Variants in ANKRD42 observed in about 807,000 individuals in gnomAD.
ANKRD42 encodes ankyrin repeat domain 42, also known as ankyrin repeat domain-containing protein 42.
Under a neutral mutation model 51.5 loss-of-function variants are expected in ANKRD42, and 43 were observed. That is an observed-to-expected ratio of 0.83 (90% CI 0.65 to 1.08). The LOEUF (loss-of-function observed/expected upper bound fraction) is 1.08, where lower values mean the gene tolerates loss of function less well. ANKRD42 is among the 50% of genes least tolerant of loss of function. The probability of loss-of-function intolerance (pLI) is 0.00; values close to 1 mark genes in which losing one functional copy is unlikely to be tolerated. For missense variants in ANKRD42, 608 were observed against 629.3 expected, an observed-to-expected ratio of 0.97 and a Z score of 0.36; for synonymous variants, 203 against 213.0, an observed-to-expected ratio of 0.95 and a Z score of 0.41.
intron 3 of ANKRD42, among the ~76,000 whole-genome samples, chr11:83,208,740 T>C (rs774750108): frequency 3.9e-4 from 60 of 152,198 alleles, no homozygotes; most frequent in Admixed American, 1.2e-3. Flanking sequence ...AGGAAAGATG[T>C]TGAGTTCAAT....
At position 83,194,734 on chromosome 11, in the gene ANKRD42, T is replaced by C. The variant is rs1170335028; in HGVS notation, c.58+6T>C. On this transcript the variant is annotated splice_donor_region_variant and intron_variant, in intron 1 of 10. Transcript: ENST00000533342. The stretch of plus-strand genomic sequence containing the variant: ...TAGGGAGACTGCAAACCCCTGTGAG[T>C]CAGACTGTCATTGGCCTTCATCTCT... The C allele has an allele frequency of 3.2e-6, 5 of 1,581,340 alleles. No homozygotes were observed. Among genetic ancestry groups the C allele is most frequent in the Non-Finnish European group, 4.3e-6 (5 of 1,164,296 alleles).
intron 10 of ANKRD42, 106 bp from the exon 11 acceptor site, chr11:83,247,833 ATTTC>A (rs1401183109): frequency 1.9e-5 from 18 of 949,218 alleles, no homozygotes; most frequent in Admixed American, 2.8e-5. Context: ...TGAATAAATG[ATTTC>A]TTTGTTTTAT....
intron 3 of ANKRD42, 70 bp downstream of exon 3, chr11:83,206,235 C>T (rs1862068571): frequency 4.0e-6 from 5 of 1,251,922 alleles, no homozygotes; most frequent in Non-Finnish European, 5.7e-6. Flanking sequence ...TGCTATTATT[C>T]TAATTATTTG....
At chr11:83,201,213 T>C (rs776248683) in intron 2 of ANKRD42, among the ~76,000 whole-genome samples, 2 of 152,210 alleles carry the variant, frequency 1.3e-5, no homozygotes, top group Non-Finnish European at 2.9e-5. Context: ...TGTGTTCTTA[T>C]TGTTCAACTT....
intron 2 of ANKRD42, among the ~76,000 whole-genome samples, chr11:83,203,545 C>CA (rs1351177893): frequency 6.6e-6 from 1 of 151,842 alleles, no homozygotes; most frequent in Non-Finnish European, 1.5e-5. Flanking sequence ...AGGCATGTGC[C>CA]ACCACACCCA....
intron 9 of ANKRD42, 87 bp from the exon 10 acceptor site, chr11:83,245,411 G>C: frequency 7.2e-7 from 1 of 1,392,940 alleles, no homozygotes; most frequent in South Asian, 1.4e-5. Flanking sequence ...TAGTCTAGAG[G>C]AAGAATATGC....
chr11:83,204,911 G>A (rs889114311), intron 2 of ANKRD42, among the ~76,000 whole-genome samples: 2 of 152,050 alleles, frequency 1.3e-5, no homozygotes, highest in African/African-American at 4.8e-5. Context: ...ATGAAAAGAT[G>A]TTCAACATCA....
At chr11:83,257,626 A>G (rs1247000744), downstream of ANKRD42, among the ~76,000 whole-genome samples, 1 of 152,216 alleles carries the variant, frequency 6.6e-6, no homozygotes, top group Non-Finnish European at 1.5e-5. Flanking sequence ...AAAAGTCTGC[A>G]TTCTCTTAAC....
chr11:83,204,984 A>C (rs1180001235), intron 2 of ANKRD42, among the ~76,000 whole-genome samples: 1 of 152,220 alleles, frequency 6.6e-6, no homozygotes, highest in Admixed American at 6.5e-5. Context: ...AGCAGAAAAA[A>C]CAAAAAACCA....
Position 83,240,756 on chromosome 11 carries a change from C to G in ANKRD42, c.1020-3C>G. The G allele has an allele frequency of 6.2e-7, 1 of 1,613,510 alleles. No individual in the cohort carries two copies. Among genetic ancestry groups the G allele is most frequent in the Non-Finnish European group, 8.5e-7 (1 of 1,179,854 alleles). On this transcript the variant is annotated splice_polypyrimidine_tract_variant and splice_region_variant and intron_variant, in intron 8 of 10. Coordinates refer to ENST00000533342, the MANE Select transcript of ANKRD42 (RefSeq NM_001300975.2). ...CTGGTTAGTTATTGATTCTTTTCTA[C>G]AGGTTTGCCCATTTGGCAGCAGTGA...
chr11:83,213,098 A>G lies in ANKRD42; in HGVS notation c.586+1668A>G. ...CCAGACTGACTGATATGTCAAAATTAAGTGTAACTGGCAGAAACCCAGAGG... is the reference window on the plus strand; with the variant it reads ...CCAGACTGACTGATATGTCAAAATTGAGTGTAACTGGCAGAAACCCAGAGG... On this transcript the variant is annotated intron_variant, in intron 5 of 10. Transcript: ENST00000533342. The G allele has an allele frequency of 6.2e-6, 10 of 1,601,256 alleles. No homozygotes were observed. In the South Asian group the frequency reaches 9.9e-5, roughly 16 times the overall value.
chr11:83,211,586 C>T (rs1862320929), intron 5 of ANKRD42, among the ~76,000 whole-genome samples, 156 bp downstream of exon 5: 1 of 149,780 alleles, frequency 6.7e-6, no homozygotes, highest in African/African-American at 2.5e-5. Context: ...CACTTGAGGC[C>T]AGGAGTTTGA....
chr11:83,226,989 G>A (rs1565189569), intron 6 of ANKRD42, among the ~76,000 whole-genome samples: 1 of 152,054 alleles, frequency 6.6e-6, no homozygotes. Context: ...TATCTTTGGG[G>A]GTCCTGGAAC....
chr11:83,230,235 TAGAGAC>T (rs1863026020), intron 7 of ANKRD42, among the ~76,000 whole-genome samples: 2 of 152,106 alleles, frequency 1.3e-5, no homozygotes, highest in African/African-American at 4.8e-5. Context: ...GTATTGTTTG[TAGAGAC>T]AGAGTTTTGC....
In ANKRD42 at chr11:83,209,663, C is replaced by A. The variant is rs1036153536; in HGVS notation, c.331-637C>A. ...AAGCTGGCAAGCTGCTTTTCAGCCT[C>A]AAGCTTTACACAGCTGTCCTTACTT... On this transcript the variant is annotated intron_variant, in intron 3 of 10. Coordinates refer to ENST00000533342, the MANE Select transcript of ANKRD42 (RefSeq NM_001300975.2). The A allele has an allele frequency of 2.8e-5, 22 of 786,678 alleles. No individual in the cohort carries two copies. The Admixed American group carries it at 3.4e-4, about 12-fold the overall frequency. 48.7% of individuals were successfully genotyped at this position (786,678 alleles called of 1,614,324 possible). A position where few individuals can be genotyped will look rare whatever the true frequency, so the allele number is the denominator to read the frequency against.
chr11:83,246,955 T>C (rs1863559134), intron 10 of ANKRD42, among the ~76,000 whole-genome samples: 2 of 152,228 alleles, frequency 1.3e-5, no homozygotes, highest in South Asian at 4.1e-4. Context: ...GCTACCCTAT[T>C]AACTGAAACT....
At chr11:83,253,681 T>C (rs1415419077), downstream of ANKRD42, among the ~76,000 whole-genome samples, 3 of 152,160 alleles carry the variant, frequency 2.0e-5, no homozygotes, top group African/African-American at 4.8e-5. Flanking sequence ...AGAAAACATG[T>C]ATTGGGGAGA....
At chr11:83,196,078 A>G (rs550128545) in intron 1 of ANKRD42, among the ~76,000 whole-genome samples, 1 of 152,070 alleles carries the variant, frequency 6.6e-6, no homozygotes, top group African/African-American at 2.4e-5. Flanking sequence ...TCCTGACCTC[A>G]TGATCTGCCC....
rs80191020 is a variant in ANKRD42 at position 83,194,221 on chromosome 11, C to T, written c.-450C>T. ...CTCCAGGGGAACAGCCAGAGAAGAC[C>T]GAGGCCTCCGCCTCAGTGGTCCTTG... On this transcript the variant is annotated 5_prime_UTR_variant, in exon 1 of 11. Coordinates refer to ENST00000533342, the MANE Select transcript of ANKRD42 (RefSeq NM_001300975.2). 5.3e-3 allele frequency: 2,465 copies of T among 460,972 alleles called. 48 individuals are homozygous for T. The highest frequency in any genetic ancestry group is 0.043 in the African/African-American group (2,145 of 50,374). The allele number at this position is 460,972 out of a possible 1,614,324, so 28.6% of individuals were successfully genotyped here. A position where few individuals can be genotyped will look rare whatever the true frequency, so the allele number is the denominator to read the frequency against.
Sources: gnomAD v4.1 joint callset for allele counts (sites outside exome capture counted in the v4.1 genomes callset) on GRCh38, gnomAD v4.1.1 for gene constraint, MANE v1.5 for transcripts, NCBI Gene and HGNC (gene_info 2026-07-23, HGNC 2026-07-21) for gene names.